Variants in DGKD observed in about 807,000 individuals in gnomAD.
DGKD encodes DAG kinase delta.
DGKD carries 68 observed loss-of-function variants against 154.4 expected under a neutral mutation model. That is an observed-to-expected ratio of 0.44 (90% CI 0.36 to 0.54). DGKD has a LOEUF of 0.54. Ranked by LOEUF, DGKD falls within the 20% of genes least tolerant of loss-of-function variation. DGKD has a pLI of 0.00. For missense variants in DGKD, 1,343 were observed against 1,593.6 expected (o/e 0.84, Z 2.68); for synonymous variants, 693 against 638.0 (o/e 1.09, Z -1.30).
At chr2:233,467,337 G>A in intron 28 of DGKD, 134 bp downstream of exon 28, 1 of 708,750 alleles carries the variant, frequency 1.4e-6, no homozygotes, top group South Asian at 1.6e-5. Flanking sequence ...CCCCGGTCCT[G>A]CGACCACACT....
At position 233,409,792 on chromosome 2, in the gene DGKD, T is replaced by TG. The variant is rs1210429143; in HGVS notation, c.348+19309_348+19310insG. On this transcript the variant is annotated intron_variant, in intron 3 of 29. Transcript: ENST00000264057. ...ACATGTGATCCCCCCATACCGTTTT[T>TG]TTTTTTTTTTTTTTTTTTTTTTTTA... Among the ~76,000 whole-genome samples, 7 of 39,834 alleles carry TG rather than the reference T, an allele frequency of 1.8e-4. 1 individual carries two copies. Among genetic ancestry groups the TG allele is most frequent in the Non-Finnish European group, 4.1e-4 (7 of 16,878 alleles). 26.1% of individuals were successfully genotyped at this position (39,834 alleles called of 152,430 possible).
chr2:233,431,695 C>G (rs1235930332), intron 3 of DGKD, among the ~76,000 whole-genome samples: 1 of 152,184 alleles, frequency 6.6e-6, no homozygotes, highest in East Asian at 1.9e-4. Flanking sequence ...ACATTTTTGA[C>G]AAACGTACCA....
chr2:233,418,420 T>A (rs1373155870), intron 3 of DGKD, among the ~76,000 whole-genome samples: 1 of 152,258 alleles, frequency 6.6e-6, no homozygotes, highest in Non-Finnish European at 1.5e-5. Context: ...TAACTCAAGC[T>A]TAATGAAGTA....
rs139866624 is a variant in DGKD, at chr2:233,446,022, C to T, written c.1334+260C>T. Among the ~76,000 whole-genome samples, 949 of 152,270 alleles carry T rather than the reference C, an allele frequency of 6.2e-3. 8 individuals carry two copies. The highest frequency in any genetic ancestry group is 0.021 in the African/African-American group (893 of 41,544). On this transcript the variant is annotated intron_variant, in intron 11 of 29. Coordinates refer to ENST00000264057, the MANE Select transcript of DGKD (RefSeq NM_152879.3). ...AGGCCAAGCCTGAGTGTGTCAGGGC[C>T]GTGGAGAAGGCAGCTGTGCCATCTT...
intron 10 of DGKD, among the ~76,000 whole-genome samples, chr2:233,443,170 G>T (rs896480362): frequency 6.6e-6 from 1 of 152,250 alleles, no homozygotes; most frequent in South Asian, 2.1e-4. Flanking sequence ...GTCTTTCCCC[G>T]TGCACCATCC....
At position 233,458,049 on chromosome 2, in the gene DGKD, G is replaced by A. The variant is rs973393556; in HGVS notation, c.2581-235G>A. 9.1e-4 allele frequency among the ~76,000 whole-genome samples: 139 copies of A among 152,268 alleles called. 1 individual carries two copies. Among genetic ancestry groups the A allele is most frequent in the South Asian group, 1.5e-3 (7 of 4,824 alleles). Reference sequence around the variant, plus strand: ...CGTGCCGTTAGTTTCCCCATTTTACGCATGAGGAAATGGGGGAGAGAGAGA... The same window carrying A: ...CGTGCCGTTAGTTTCCCCATTTTACACATGAGGAAATGGGGGAGAGAGAGA... On this transcript the variant is annotated intron_variant, in intron 21 of 29. Transcript: ENST00000264057. The surrounding 1 kb of genome is among the most constrained non-coding windows in gnomAD (Gnocchi z 6.6).
chr2:233,470,804 T>C lies in DGKD; in HGVS notation c.*1344T>C, dbSNP rs1452526006. On this transcript the variant is annotated 3_prime_UTR_variant, in exon 30 of 30. Transcript: ENST00000264057. Reference sequence around the variant, plus strand: ...GGCCTGGCTGCCTGGCCGTGGCTTCTCTTTGGCTCCCAAAGAGAAGGACAG... The same window carrying C: ...GGCCTGGCTGCCTGGCCGTGGCTTCCCTTTGGCTCCCAAAGAGAAGGACAG... 1 of 151,200 alleles carries C rather than the reference T, an allele frequency of 6.6e-6. No individual in the cohort carries two copies. The highest frequency in any genetic ancestry group is 1.5e-5 in the Non-Finnish European group (1 of 67,634). 9.4% of individuals were successfully genotyped at this position (151,200 alleles called of 1,614,324 possible). A position where few individuals can be genotyped will look rare whatever the true frequency, so the allele number is the denominator to read the frequency against.
rs545420828 is a variant in DGKD at position 233,429,668 on chromosome 2, G to GCC, written c.349-4711_349-4710dup. Among the ~76,000 whole-genome samples the GCC allele has an allele frequency of 1.9e-3, 297 of 152,376 alleles. 3 individuals are homozygous for GCC. The highest frequency in any genetic ancestry group is 6.6e-3 in the African/African-American group (274 of 41,590). ...GAGACACCTAGCCAGCATCTGCTGA[G>GCC]CCGGGGGGTGTCCTCTGGAGGGAGA... On this transcript the variant is annotated intron_variant, in intron 3 of 29. Coordinates refer to ENST00000264057, the MANE Select transcript of DGKD (RefSeq NM_152879.3).
rs529696731 is a variant in DGKD at position 233,452,601 on chromosome 2, A to G, written c.2264+541A>G. Among the ~76,000 whole-genome samples the G allele has an allele frequency of 1.8e-4, 27 of 152,278 alleles. No individual in the cohort carries two copies. The highest frequency in any genetic ancestry group is 2.9e-4 in the Non-Finnish European group (20 of 68,016). On this transcript the variant is annotated intron_variant, in intron 18 of 29. Coordinates refer to ENST00000264057, the MANE Select transcript of DGKD (RefSeq NM_152879.3). This position sits in a 1 kb window ranked among gnomAD's most constrained non-coding sequence, Gnocchi z 4.0. ...GAGACACTAGCCTGTGCTGAGGCTT[A>G]TAAGGGCTGCTGCGTGCCTGCGTGC...
rs781081351 is a variant in DGKD, at chr2:233,436,451, G to T, written c.819+10G>T. The T allele has an allele frequency of 1.9e-6, 3 of 1,610,038 alleles. No individual in the cohort carries two copies. Among genetic ancestry groups the T allele is most frequent in the Non-Finnish European group, 2.5e-6 (3 of 1,179,038 alleles). ...CTGGTGCAAGGCCATGGTGAGTGTG[G>T]GCCCTGCGCCCGGGCTGGAGGGGAG... On this transcript the variant is annotated intron_variant, in intron 7 of 29. Coordinates refer to ENST00000264057, the MANE Select transcript of DGKD (RefSeq NM_152879.3).
intron 3 of DGKD, among the ~76,000 whole-genome samples, chr2:233,425,330 G>A (rs1170059509): frequency 6.6e-6 from 1 of 152,032 alleles, no homozygotes; most frequent in Non-Finnish European, 1.5e-5. Context: ...GGGACCACAG[G>A]CGCCCGCCAC....
At chr2:233,372,163 A>AG (rs1039391661) in intron 1 of DGKD, among the ~76,000 whole-genome samples, 14 of 151,992 alleles carry the variant, frequency 9.2e-5, no homozygotes, top group African/African-American at 2.7e-4. Flanking sequence ...TGGGACCACA[A>AG]GCATGCACCA....
At chr2:233,368,887 T>C (rs1702172441) in intron 1 of DGKD, among the ~76,000 whole-genome samples, 1 of 152,228 alleles carries the variant, frequency 6.6e-6, no homozygotes, top group East Asian at 1.9e-4. Flanking sequence ...GTCCTGGAGC[T>C]GGAGTTTCAG....
intron 6 of DGKD, 86 bp from the exon 7 acceptor site, chr2:233,436,230 G>T: frequency 6.3e-7 from 1 of 1,585,074 alleles, no homozygotes; most frequent in Non-Finnish European, 8.6e-7. Context: ...AGAATGCCTT[G>T]GCTGAGTTCA....
At chr2:233,378,834 G>A (rs1702730864) in intron 1 of DGKD, among the ~76,000 whole-genome samples, 1 of 152,198 alleles carries the variant, frequency 6.6e-6, no homozygotes, top group Non-Finnish European at 1.5e-5. Flanking sequence ...GCCAAGGCCT[G>A]AGGATTGCCT....
Position 233,380,888 on chromosome 2 carries a change from G to A in DGKD, c.157-7369G>A, listed in dbSNP as rs1702865439. 2.0e-5 allele frequency among the ~76,000 whole-genome samples: 3 copies of A among 152,226 alleles called. No individual in the cohort carries two copies. In the Middle Eastern group the frequency reaches 0.01, roughly 518 times the overall value. On this transcript the variant is annotated intron_variant, in intron 1 of 29. Transcript: ENST00000264057. ...GCAGGAATGAGGTGTCTCTCCTCCT[G>A]TCGGTGGAGGCTTTGGCATAGGAGC...
chr2:233,390,541 G>T, intron 3 of DGKD, 58 bp downstream of exon 3: 2 of 1,288,956 alleles, frequency 1.6e-6, no homozygotes, highest in South Asian at 1.2e-5. Context: ...TTTCCTTTTT[G>T]ATCTGAACAT....
Position 233,452,438 on chromosome 2 carries a change from C to T in DGKD, c.2264+378C>T, listed in dbSNP as rs1040993954. Among the ~76,000 whole-genome samples the T allele has an allele frequency of 6.6e-6, 1 of 152,210 alleles. No individual in the cohort carries two copies. The highest frequency in any genetic ancestry group is 2.4e-5 in the African/African-American group (1 of 41,452). On this transcript the variant is annotated intron_variant, in intron 18 of 29. Transcript: ENST00000264057. This position sits in a 1 kb window ranked among gnomAD's most constrained non-coding sequence, Gnocchi z 4.0. ...GCTGGACCTCACTGACTTCTGCTTA[C>T]AGCCTGCCATCTTCCTCTTGCCATC...
intron 16 of DGKD, among the ~76,000 whole-genome samples, chr2:233,450,666 G>C (rs978403059): frequency 6.6e-6 from 1 of 152,070 alleles, no homozygotes; most frequent in Admixed American, 6.6e-5. Flanking sequence ...CCACAGCCCG[G>C]ACTGACTGGG....
Sources: gnomAD v4.1 joint callset for allele counts (sites outside exome capture counted in the v4.1 genomes callset) on GRCh38, gnomAD v4.1.1 for gene constraint, Gnocchi (gnomAD v3.1) non-coding constraint, MANE v1.5 for transcripts, NCBI Gene and HGNC (gene_info 2026-07-23, HGNC 2026-07-21) for gene names.